FAT3: variants seen among roughly 807,000 people sequenced by gnomAD.
FAT3 encodes the protein protocadherin Fat 3.
Under a neutral mutation model 310.2 loss-of-function variants are expected in FAT3, and 95 were observed. That is an observed-to-expected ratio of 0.31 (90% CI 0.26 to 0.36). The LOEUF is 0.36. Ranked by LOEUF, FAT3 falls within the 10% of genes least tolerant of loss-of-function variation. The probability of loss-of-function intolerance (pLI) is 1.00; values close to 1 mark genes in which losing one functional copy is unlikely to be tolerated. For missense variants in FAT3, 5,408 were observed against 5,715.6 expected (o/e 0.95, Z 1.74); for synonymous variants, 2,314 against 2,192.9 (o/e 1.06, Z -1.54).
chr11:92,713,600 A>T (rs1187767652), intron 4 of FAT3, among the ~76,000 whole-genome samples: 1 of 152,196 alleles, frequency 6.6e-6, no homozygotes, highest in East Asian at 1.9e-4. Flanking sequence ...ATTTGTATCT[A>T]GATTTGTTTA....
At chr11:92,518,360 G>C (rs975916796) in intron 2 of FAT3, among the ~76,000 whole-genome samples, 1 of 152,074 alleles carries the variant, frequency 6.6e-6, no homozygotes, top group African/African-American at 2.4e-5. Flanking sequence ...CCTGTCTTTT[G>C]CAGAGATAGG....
At chr11:92,305,059 T>C (rs1947086845) in intron 1 of FAT3, among the ~76,000 whole-genome samples, 1 of 152,154 alleles carries the variant, frequency 6.6e-6, no homozygotes, top group Admixed American at 6.6e-5. Flanking sequence ...TTATAAGCCA[T>C]AGTTGCTGTT....
intron 25 of FAT3, among the ~76,000 whole-genome samples, chr11:92,887,616 C>T (rs780374342): frequency 9.9e-5 from 15 of 152,184 alleles, no homozygotes; most frequent in Non-Finnish European, 2.2e-4. Context: ...TTATTAAAAA[C>T]TGTGAAGCAG....
At chr11:92,411,271 T>C (rs1950262625) in intron 2 of FAT3, among the ~76,000 whole-genome samples, 1 of 151,090 alleles carries the variant, frequency 6.6e-6, no homozygotes, top group Non-Finnish European at 1.5e-5. Context: ...TTTTGAGCCC[T>C]GCCATGTTAG....
chr11:92,844,298 T>C lies in FAT3; in HGVS notation c.10931T>C (p.Met3644Thr). 1.2e-6 allele frequency: 2 copies of C among 1,613,968 alleles called. No homozygotes were observed. The highest frequency in any genetic ancestry group is 1.1e-5 in the South Asian group (1 of 91,082). ...VVHVEQLVHE[M>T]LQNTVTIRFE... is the part of the protein sequence containing the mutation. Reference sequence around the variant, plus strand: ...CATGTGGAGCAGTTGGTGCATGAGATGCTGCAGAACACTGTCACCATCCGC... The same window carrying C: ...CATGTGGAGCAGTTGGTGCATGAGACGCTGCAGAACACTGTCACCATCCGC... The change falls in exon 19 of 28, where the codon ATG becomes ACG. Residue 3644 changes from methionine (M) to threonine (T), a missense_variant. Around this residue, in one of 5 missense-constraint regions of FAT3, gnomAD observed 4,588 missense variants for 4,809.8 expected, o/e 0.95. Transcript: ENST00000525166.
chr11:92,726,856 A>G (rs1040602466), intron 4 of FAT3, among the ~76,000 whole-genome samples: 3 of 151,868 alleles, frequency 2.0e-5, no homozygotes, highest in African/African-American at 7.3e-5. Flanking sequence ...TGTCCAAAAC[A>G]ATGGAAAGGA....
chr11:92,785,760 T>C (rs1336578014), intron 7 of FAT3, among the ~76,000 whole-genome samples: 2 of 149,654 alleles, frequency 1.3e-5, no homozygotes, highest in Non-Finnish European at 2.9e-5. Context: ...TAGAAAGAAG[T>C]CAGTTTTCCT....
At chr11:92,325,278 C>A (rs1947733778) in intron 1 of FAT3, among the ~76,000 whole-genome samples, 1 of 152,182 alleles carries the variant, frequency 6.6e-6, no homozygotes, top group South Asian at 2.1e-4. Context: ...ATATATTCTG[C>A]TTCCTTTGGC....
chr11:92,556,593 CTG>C (rs1225029572), intron 3 of FAT3, among the ~76,000 whole-genome samples: 2 of 152,242 alleles, frequency 1.3e-5, no homozygotes, highest in Admixed American at 1.3e-4. Flanking sequence ...TCAGAAATAT[CTG>C]TGAGGCCCTA....
At chr11:92,248,153 T>C (rs1298004252) in intron 1 of FAT3, among the ~76,000 whole-genome samples, 1 of 152,162 alleles carries the variant, frequency 6.6e-6, no homozygotes, top group Non-Finnish European at 1.5e-5. Flanking sequence ...CCCTCAGTCT[T>C]ACTATGCAAA....
At chr11:92,360,382 T>TG (rs1478232592) in intron 2 of FAT3, among the ~76,000 whole-genome samples, 1 of 152,220 alleles carries the variant, frequency 6.6e-6, no homozygotes, top group Non-Finnish European at 1.5e-5. Context: ...ATGGATTAAA[T>TG]GGGGGCCTCC....
chr11:92,787,709 A>G (rs1946930028), intron 7 of FAT3, among the ~76,000 whole-genome samples: 1 of 150,440 alleles, frequency 6.6e-6, no homozygotes, highest in Admixed American at 6.6e-5. Flanking sequence ...TAATTATAAA[A>G]TAAAAAGAAC....
intron 2 of FAT3, among the ~76,000 whole-genome samples, chr11:92,424,601 T>G (rs1950593233): frequency 6.6e-6 from 1 of 152,138 alleles, no homozygotes; most frequent in African/African-American, 2.4e-5. Flanking sequence ...ATAGAGTGGC[T>G]GCTATATCCC....
At chr11:92,837,596 C>T (rs1948438842) in intron 16 of FAT3, 67 bp from the exon 17 acceptor site, 3 of 1,565,078 alleles carry the variant, frequency 1.9e-6, no homozygotes, top group Non-Finnish European at 2.6e-6. Flanking sequence ...GCTCCAGTTC[C>T]TCTGTGTGTG....
intron 4 of FAT3, among the ~76,000 whole-genome samples, chr11:92,744,152 A>T (rs1157231186): frequency 1.3e-5 from 2 of 152,178 alleles, no homozygotes; most frequent in Non-Finnish European, 2.9e-5. Context: ...GTCTAAGATG[A>T]CTCATATTTC....
At chr11:92,848,512 T>G (rs1948742010) in intron 19 of FAT3, among the ~76,000 whole-genome samples, 1 of 152,198 alleles carries the variant, frequency 6.6e-6, no homozygotes, top group African/African-American at 2.4e-5. Flanking sequence ...TGATTGTCCA[T>G]TTTTGAAAAA....
At chr11:92,507,078 T>C (rs1387001851) in intron 2 of FAT3, among the ~76,000 whole-genome samples, 1 of 152,214 alleles carries the variant, frequency 6.6e-6, no homozygotes, top group East Asian at 1.9e-4. Flanking sequence ...TCAAAGCTGG[T>C]CTAACACAGT....
chr11:92,810,747 G>C (rs975151067), intron 13 of FAT3, among the ~76,000 whole-genome samples: 2 of 152,114 alleles, frequency 1.3e-5, no homozygotes, highest in African/African-American at 4.8e-5. Context: ...GAAAAGACTG[G>C]AGTTAATTGC....
chr11:92,544,776 G>A (rs1417221078), intron 3 of FAT3, among the ~76,000 whole-genome samples: 1 of 152,152 alleles, frequency 6.6e-6, no homozygotes, highest in African/African-American at 2.4e-5. Context: ...ATCGCCAACC[G>A]CTTCAGCCCT....
Sources: allele counts gnomAD v4.1 joint callset (sites outside exome capture counted in the v4.1 genomes callset), GRCh38; gene constraint gnomAD v4.1.1; regional missense constraint gnomAD v4.1.1; transcripts MANE v1.5; gene names NCBI Gene and HGNC (gene_info 2026-07-23, HGNC 2026-07-21).